SEL1L3: variants seen among roughly 807,000 people sequenced by gnomAD.
The protein encoded by SEL1L3 is protein sel-1 homolog 3.
A neutral mutation model predicts 142.8 loss-of-function variants in SEL1L3; 76 were observed. The ratio of observed to expected loss-of-function variants is 0.53; its 90% CI spans 0.44 to 0.64. The LOEUF (loss-of-function observed/expected upper bound fraction) is 0.64, where lower values mean the gene tolerates loss of function less well. SEL1L3 is among the 30% of genes least tolerant of loss of function. The pLI, the probability that SEL1L3 is intolerant of heterozygous loss-of-function variation, is 0.00. For synonymous variants in SEL1L3, 504 were observed against 519.6 expected, an observed-to-expected ratio of 0.97 and a Z score of 0.41; for missense variants, 1,262 against 1,381.7, an observed-to-expected ratio of 0.91 and a Z score of 1.37.
intron 9 of SEL1L3, among the ~76,000 whole-genome samples, chr4:25,811,653 T>C (rs570103457): frequency 6.6e-6 from 1 of 152,260 alleles, no homozygotes; most frequent in East Asian, 1.9e-4. Flanking sequence ...CAAATATTTA[T>C]TGAGGCAAGA....
At chr4:25,777,821 G>A (rs764866326) in intron 16 of SEL1L3, 3 of 456,174 alleles carry the variant, frequency 6.6e-6, no homozygotes, top group South Asian at 3.1e-5. Context: ...AATGTGTTAT[G>A]AAGAACAATC....
chr4:25,853,654 CTCT>C (rs1300153916), intron 1 of SEL1L3, among the ~76,000 whole-genome samples: 4 of 146,882 alleles, frequency 2.7e-5, no homozygotes, highest in Non-Finnish European at 4.5e-5. Context: ...ATTATGCCTG[CTCT>C]TCTTACCTTT....
rs117303418 is a variant in SEL1L3 at position 25,755,834 on chromosome 4, A to G, written c.3259+1700T>C. ...AACTGCATTTGTAATAATCATCACA[A>G]TATTTCTACAGAGTAAAAATGACAA... On this transcript the variant is annotated intron_variant, in intron 23 of 23. Coordinates refer to ENST00000399878, the MANE Select transcript of SEL1L3 (RefSeq NM_015187.5). 6.2e-6 allele frequency: 6 copies of G among 969,368 alleles called. No homozygotes were observed. In the East Asian group the frequency reaches 6.9e-4, roughly 111 times the overall value. 60.0% of individuals were successfully genotyped at this position (969,368 alleles called of 1,614,324 possible). A position where few individuals can be genotyped will look rare whatever the true frequency, so the allele number is the denominator to read the frequency against.
At chr4:25,823,385 C>T (rs1461793350) in intron 6 of SEL1L3, among the ~76,000 whole-genome samples, 2 of 151,920 alleles carry the variant, frequency 1.3e-5, no homozygotes, top group African/African-American at 4.8e-5. Flanking sequence ...TGTGGTGGTG[C>T]GTGCCTGTAA....
chr4:25,822,040 C>CA lies in SEL1L3; in HGVS notation c.1245dup (p.Gly416TrpfsTer18), dbSNP rs749047832. The CA allele has an allele frequency of 1.2e-6, 2 of 1,613,810 alleles. No homozygotes were observed. Among genetic ancestry groups the CA allele is most frequent in the East Asian group, 2.2e-5 (1 of 44,864 alleles). On this transcript the variant is annotated frameshift_variant, in exon 7 of 24. Coordinates refer to ENST00000399878, the MANE Select transcript of SEL1L3 (RefSeq NM_015187.5). LOFTEE classifies it high-confidence loss of function. ...CGAAGGCGATAGTACTTCAGGGGTC[C>CA]AAAAAACCCTTCAATGCCAGCCACA...
At chr4:25,725,318 C>CT in the SEL1L3 span, among the ~76,000 whole-genome samples, 24,187 of 139,374 alleles carry the variant, frequency 0.17, 2,637 homozygotes, top group African/African-American at 0.3. Context: ...TGCTGGTTGG[C>CT]TTTTTTTTTT....
In SEL1L3 at chr4:25,818,657, C is replaced by T. The variant is rs185542831; in HGVS notation, c.1424-379G>A. ...GGAAAATCTTCCTAATGCCACCAAA[C>T]AGATGGGTGTGCATGCCTGGCCTTC... On this transcript the variant is annotated intron_variant, in intron 8 of 23. Coordinates refer to ENST00000399878, the MANE Select transcript of SEL1L3 (RefSeq NM_015187.5). Among the ~76,000 whole-genome samples the T allele has an allele frequency of 1.4e-3, 215 of 152,278 alleles. 2 individuals carry two copies. The highest frequency in any genetic ancestry group is 3.4e-3 in the Middle Eastern group (1 of 294).
chr4:25,795,759 C>T (rs1445641953), intron 11 of SEL1L3, among the ~76,000 whole-genome samples: 1 of 152,180 alleles, frequency 6.6e-6, no homozygotes, highest in Non-Finnish European at 1.5e-5. Flanking sequence ...TAGCAACCAG[C>T]ATCACATCAT....
At chr4:25,741,124 G>T in the SEL1L3 span, among the ~76,000 whole-genome samples, 2 of 129,864 alleles carry the variant, frequency 1.5e-5, no homozygotes, top group African/African-American at 5.9e-5. Context: ...TTTTTTTTTA[G>T]ATGGAGTTTT....
chr4:25,784,150 A>T, intron 14 of SEL1L3, 78 bp downstream of exon 14: 1 of 1,242,272 alleles, frequency 8.0e-7, no homozygotes, highest in South Asian at 1.2e-5. Flanking sequence ...GAGGCTGGCC[A>T]TTTCCTCTTT....
the SEL1L3 span, among the ~76,000 whole-genome samples, chr4:25,714,488 CTCTT>C: frequency 4.3e-5 from 6 of 138,272 alleles, no homozygotes; most frequent in African/African-American, 1.7e-4. Flanking sequence ...TTCTTTCTTT[CTCTT>C]TCTTTCTTTT....
intron 2 of SEL1L3, among the ~76,000 whole-genome samples, chr4:25,843,298 G>A (rs941187239): frequency 5.3e-5 from 8 of 152,064 alleles, no homozygotes; most frequent in East Asian, 1.9e-4. Flanking sequence ...AGGGTACGAC[G>A]GGCAAAACTG....
chr4:25,715,888 G>T, the SEL1L3 span, among the ~76,000 whole-genome samples: 1 of 152,132 alleles, frequency 6.6e-6, no homozygotes, highest in Non-Finnish European at 1.5e-5. Flanking sequence ...TTGCTTTTAT[G>T]TGCATAATTC....
chr4:25,762,695 C>T (rs1032144376), intron 20 of SEL1L3, among the ~76,000 whole-genome samples: 9 of 152,016 alleles, frequency 5.9e-5, no homozygotes, highest in African/African-American at 1.2e-4. Context: ...TAAAAGTGAC[C>T]GGTGGCCAGG....
chr4:25,751,060 G>C (rs1456521022), intron 23 of SEL1L3, among the ~76,000 whole-genome samples: 1 of 152,154 alleles, frequency 6.6e-6, no homozygotes, highest in Non-Finnish European at 1.5e-5. Flanking sequence ...TTCCACTTCT[G>C]TTCTTGCCTT....
chr4:25,746,909 C>T (rs1420938738), downstream of SEL1L3, among the ~76,000 whole-genome samples: 1 of 151,994 alleles, frequency 6.6e-6, no homozygotes, highest in Non-Finnish European at 1.5e-5. Context: ...TATATTATCT[C>T]GTGTAAGCCT....
At chr4:25,757,011 T>C (rs1166767678) in intron 23 of SEL1L3, 1 of 1,125,442 alleles carries the variant, frequency 8.9e-7, no homozygotes. Context: ...CCCACGCCTG[T>C]AATCCCAGCA....
rs1368471912 is a variant in SEL1L3 at position 25,833,589 on chromosome 4, A to G, written c.861-20T>C. 5 of 1,589,470 alleles carry G rather than the reference A, an allele frequency of 3.1e-6. No homozygotes were observed. The South Asian group carries it at 3.5e-5, about 11-fold the overall frequency. On this transcript the variant is annotated intron_variant, in intron 3 of 23. Transcript: ENST00000399878. The stretch of plus-strand genomic sequence containing the variant: ...GTAAACCTATAAGAGTGAGGGGGAA[A>G]AAAATTCTGCAGATTGATATCATCC...
At chr4:25,805,925 T>G (rs956807287) in intron 9 of SEL1L3, among the ~76,000 whole-genome samples, 2 of 152,244 alleles carry the variant, frequency 1.3e-5, no homozygotes, top group Non-Finnish European at 2.9e-5. Context: ...TTAAGTTAAA[T>G]GTCAACTTGA....
Sources: gnomAD v4.1 joint callset for allele counts (sites outside exome capture counted in the v4.1 genomes callset) on GRCh38, gnomAD v4.1.1 for gene constraint, MANE v1.5 for transcripts, NCBI Gene and HGNC (gene_info 2026-07-23, HGNC 2026-07-21) for gene names.